Variants in DMC1 observed in about 807,000 individuals in gnomAD.
The protein encoded by DMC1 is DNA meiotic recombinase 1.
In DMC1, 27 loss-of-function variants were observed where a neutral mutation model predicts 50.1. That is an observed-to-expected ratio of 0.54 (90% CI 0.40 to 0.74). DMC1 has a LOEUF of 0.74. Ranked by LOEUF, DMC1 falls within the 30% of genes least tolerant of loss-of-function variation. The pLI is 0.00. For missense variants in DMC1, 295 were observed against 420.2 expected, an observed-to-expected ratio of 0.70 and a Z score of 2.60; for synonymous variants, 148 against 136.1, an observed-to-expected ratio of 1.09 and a Z score of -0.61.
intron 11 of DMC1, among the ~76,000 whole-genome samples, chr22:38,537,934 G>C (rs2090233347): frequency 6.6e-6 from 1 of 152,128 alleles, no homozygotes; most frequent in African/African-American, 2.4e-5. Flanking sequence ...CACGAGGTCA[G>C]GAGCTCGAGA....
At chr22:38,557,683 T>C (rs1378950842) in intron 5 of DMC1, among the ~76,000 whole-genome samples, 2 of 152,124 alleles carry the variant, frequency 1.3e-5, no homozygotes, top group African/African-American at 4.8e-5. Flanking sequence ...AAATAGAATA[T>C]AAATAAATAA....
At chr22:38,512,020 G>A in the DMC1 span, among the ~76,000 whole-genome samples, 1 of 151,784 alleles carries the variant, frequency 6.6e-6, no homozygotes, top group Admixed American at 6.6e-5. Context: ...TGTCACCCAG[G>A]CTGGAGTGCA....
chr22:38,515,371 T>G (rs190992418), downstream of DMC1, among the ~76,000 whole-genome samples: 843 of 151,100 alleles, frequency 5.6e-3, 6 homozygotes, highest in African/African-American at 0.02. Context: ...CCCCAGCTAC[T>G]TGGGAGGCTG....
the DMC1 span, among the ~76,000 whole-genome samples, chr22:38,513,336 G>A: frequency 6.6e-6 from 1 of 152,218 alleles, no homozygotes; most frequent in Non-Finnish European, 1.5e-5. Flanking sequence ...CATATTCAAT[G>A]TCTCAGGATG....
chr22:38,521,506 C>T (rs2090023467), intron 13 of DMC1, 102 bp downstream of exon 13: 1 of 796,664 alleles, frequency 1.3e-6, no homozygotes, highest in East Asian at 2.9e-5. Flanking sequence ...GAGTTTGAGA[C>T]CAGCTCGGGC....
chr22:38,561,717 A>G (rs1456007086), intron 5 of DMC1, among the ~76,000 whole-genome samples: 1 of 152,182 alleles, frequency 6.6e-6, no homozygotes, highest in African/African-American at 2.4e-5. Flanking sequence ...AAATACTTAG[A>G]GGAAATACTG....
chr22:38,567,786 A>G (rs562478309), intron 2 of DMC1, among the ~76,000 whole-genome samples, 159 bp from the exon 3 acceptor site: 1 of 152,362 alleles, frequency 6.6e-6, no homozygotes, highest in South Asian at 2.1e-4. Flanking sequence ...TTTCAAACAC[A>G]GAAGAAGCAC....
rs1331086523 is a variant in DMC1 at position 38,537,763 on chromosome 22, A to G, written c.776-111T>C. ...ATATTGCATCATGAATTTATTTTAT[A>G]AATAACATCATATTCCTATTTTTCA... is the stretch of plus-strand genomic sequence containing the variant. On this transcript the variant is annotated intron_variant, in intron 11 of 13. Transcript: ENST00000216024. 1.1e-5 allele frequency: 8 copies of G among 741,892 alleles called. No homozygotes were observed. In the East Asian group the frequency reaches 1.9e-4, roughly 18 times the overall value. The allele number at this position is 741,892 out of a possible 1,614,324, so 46.0% of individuals were successfully genotyped here.
At chr22:38,555,188 G>A (rs561352976) in intron 6 of DMC1, among the ~76,000 whole-genome samples, 169 bp downstream of exon 6, 8 of 151,838 alleles carry the variant, frequency 5.3e-5, no homozygotes, top group Admixed American at 2.6e-4. Context: ...ATATATTTTC[G>A]TTGCAGTACA....
At chr22:38,518,039 C>T (rs957766111), downstream of DMC1, among the ~76,000 whole-genome samples, 2 of 150,638 alleles carry the variant, frequency 1.3e-5, no homozygotes, top group African/African-American at 4.9e-5. Flanking sequence ...GTGGCATGAT[C>T]TCAGCTCACT....
chr22:38,555,913 C>T (rs2145966777), intron 5 of DMC1, among the ~76,000 whole-genome samples: 1 of 151,796 alleles, frequency 6.6e-6, no homozygotes, highest in East Asian at 1.9e-4. Flanking sequence ...CTCACTGCAG[C>T]CTCCGCCTAC....
intron 5 of DMC1, among the ~76,000 whole-genome samples, chr22:38,557,956 CTTTTTTTTTTT>C (rs753724944): frequency 9.6e-5 from 6 of 62,714 alleles, no homozygotes; most frequent in African/African-American, 3.1e-4. Flanking sequence ...AGACAAAGTT[CTTTTTTTTTTT>C]TTTTTTTTTT....
chr22:38,509,342 T>G, the DMC1 span, among the ~76,000 whole-genome samples: 1 of 152,136 alleles, frequency 6.6e-6, no homozygotes, highest in Non-Finnish European at 1.5e-5. Context: ...GGCCCCAGTA[T>G]GTGTTGTTCC....
chr22:38,537,979 C>A (rs1221370698), intron 11 of DMC1, among the ~76,000 whole-genome samples: 1 of 151,960 alleles, frequency 6.6e-6, no homozygotes, highest in African/African-American at 2.4e-5. Context: ...CCCGTCTCTA[C>A]TAAATATACA....
rs1296043692 is a variant in DMC1, at chr22:38,533,395, CAAAA to C, written c.836+4193_836+4196del. On this transcript the variant is annotated intron_variant, in intron 12 of 13. Coordinates refer to ENST00000216024, the MANE Select transcript of DMC1 (RefSeq NM_007068.4). Reference sequence around the variant, plus strand: ...TGAGTGACAGAGCGAGACTCCATCACAAAAAAAAAAAAAAAAAAAAAGAGTCTTG... The same window carrying C: ...TGAGTGACAGAGCGAGACTCCATCACAAAAAAAAAAAAAAAAAGAGTCTTG... Among the ~76,000 whole-genome samples, 360 of 38,442 alleles carry C rather than the reference CAAAA, an allele frequency of 9.4e-3. 1 individual carries two copies. The highest frequency in any genetic ancestry group is 0.015 in the Middle Eastern group (1 of 68). The allele number at this position is 38,442 out of a possible 152,430, so 25.2% of individuals were successfully genotyped here.
chr22:38,545,279 C>T (rs905743710), intron 8 of DMC1, among the ~76,000 whole-genome samples: 2 of 152,066 alleles, frequency 1.3e-5, no homozygotes, highest in African/African-American at 4.8e-5. Context: ...GGCATGGTGG[C>T]ACGCACCTGT....
intron 3 of DMC1, 69 bp from the exon 4 acceptor site, chr22:38,566,805 T>C (rs1335134948): frequency 2.7e-6 from 4 of 1,498,844 alleles, no homozygotes; most frequent in Non-Finnish European, 3.7e-6. Flanking sequence ...TACTATGTCA[T>C]GTGTTTCTGT....
chr22:38,569,203 G>C (rs1186625030), intron 1 of DMC1: 1 of 149,080 alleles, frequency 6.7e-6, no homozygotes, highest in African/African-American at 2.5e-5. Context: ...AAAAAAAATT[G>C]GTGGATCATA....
intron 12 of DMC1, among the ~76,000 whole-genome samples, chr22:38,529,041 G>A (rs1405540404): frequency 3.3e-5 from 5 of 150,394 alleles, no homozygotes; most frequent in Non-Finnish European, 7.4e-5. Flanking sequence ...ACGGAGTTTC[G>A]CTCTTATCGC....
Sources: allele counts gnomAD v4.1 joint callset (sites outside exome capture counted in the v4.1 genomes callset), GRCh38; gene constraint gnomAD v4.1.1; transcripts MANE v1.5; gene names NCBI Gene and HGNC (gene_info 2026-07-23, HGNC 2026-07-21).